Variants in SIMC1 observed in about 807,000 individuals in gnomAD.
The protein encoded by SIMC1 is SUMO interacting motifs containing 1, also known as SUMO-interacting motif-containing protein 1.
SIMC1 carries 55 observed loss-of-function variants against 82.3 expected under a neutral mutation model. The observed-to-expected ratio is 0.67, with a 90% CI of 0.54 to 0.84. The LOEUF is 0.84. SIMC1 is among the 40% of genes least tolerant of loss of function. The pLI is 0.00. For missense variants in SIMC1, 915 were observed against 1,107.2 expected (o/e 0.83, Z 2.46); for synonymous variants, 353 against 426.3 (o/e 0.83, Z 2.12).
intron 1 of SIMC1, among the ~76,000 whole-genome samples, chr5:176,239,635 TTTAC>T (rs1482813110): frequency 1.1e-4 from 1 of 8,766 alleles, no homozygotes; most frequent in East Asian, 1.8e-3. Context: ...TTCTAGCTGG[TTTAC>T]AGTCCCTAAA....
chr5:176,340,033 G>A (rs1202497356), intron 9 of SIMC1, among the ~76,000 whole-genome samples: 1 of 152,192 alleles, frequency 6.6e-6, no homozygotes, highest in Non-Finnish European at 1.5e-5. Flanking sequence ...TGCAAGAGTG[G>A]GAGAAGAAGG....
intron 1 of SIMC1, among the ~76,000 whole-genome samples, chr5:176,245,664 G>A (rs1304155860): frequency 6.6e-6 from 1 of 152,018 alleles, no homozygotes; most frequent in East Asian, 1.9e-4. Context: ...AACAGACAGC[G>A]ACTCTCTAAA....
At chr5:176,248,149 C>T (rs1379236512) in intron 1 of SIMC1, among the ~76,000 whole-genome samples, 1 of 152,088 alleles carries the variant, frequency 6.6e-6, no homozygotes, top group African/African-American at 2.4e-5. Context: ...TGAAGAAAGT[C>T]AGTGGCAGCT....
At chr5:176,305,790 G>A (rs796636238) in intron 4 of SIMC1, among the ~76,000 whole-genome samples, 83 of 45,158 alleles carry the variant, frequency 1.8e-3, no homozygotes, top group African/African-American at 2.0e-3. Context: ...CAGCCGCCCC[G>A]TCCGGGAGGG....
intron 1 of SIMC1, among the ~76,000 whole-genome samples, chr5:176,280,771 C>T (rs981536927): frequency 1.4e-4 from 21 of 152,222 alleles, no homozygotes; most frequent in Middle Eastern, 6.8e-3. Flanking sequence ...CAGTCTCTTC[C>T]GGCTTGTAGA....
At chr5:176,277,628 A>G (rs1762773783) in intron 1 of SIMC1, among the ~76,000 whole-genome samples, 1 of 152,050 alleles carries the variant, frequency 6.6e-6, no homozygotes, top group South Asian at 2.1e-4. Context: ...TTTTTGTATA[A>G]GGTGTAAGGA....
intron 1 of SIMC1, among the ~76,000 whole-genome samples, chr5:176,278,862 T>C (rs1353003198): frequency 2.0e-5 from 3 of 150,922 alleles, no homozygotes; most frequent in South Asian, 2.1e-4. Context: ...CAGTATTTTA[T>C]TGAGGATTTT....
intron 1 of SIMC1, among the ~76,000 whole-genome samples, chr5:176,265,061 T>C (rs919315536): frequency 1.3e-5 from 2 of 152,034 alleles, no homozygotes; most frequent in Non-Finnish European, 2.9e-5. Context: ...AAAAAAGAAA[T>C]GAAACTGTCC....
chr5:176,269,218 A>G (rs1417114860), intron 1 of SIMC1, among the ~76,000 whole-genome samples: 1 of 152,168 alleles, frequency 6.6e-6, no homozygotes, highest in South Asian at 2.1e-4. Context: ...AATAATAAAG[A>G]TAACAGAAAT....
At chr5:176,294,225 T>C (rs1163542466) in intron 2 of SIMC1, among the ~76,000 whole-genome samples, 2 of 152,186 alleles carry the variant, frequency 1.3e-5, no homozygotes, top group African/African-American at 4.8e-5. Flanking sequence ...TGAATTCTGA[T>C]TTTTTAACTT....
At chr5:176,305,132 CAGGAGG>C (rs1764253794) in intron 4 of SIMC1, among the ~76,000 whole-genome samples, 2 of 36,884 alleles carry the variant, frequency 5.4e-5, no homozygotes, top group African/African-American at 1.0e-4. Context: ...CCGTGCCATC[CAGGAGG>C]GGGGGGGGGT....
At chr5:176,314,876 A>G (rs2113349052) in intron 5 of SIMC1, among the ~76,000 whole-genome samples, 1 of 152,342 alleles carries the variant, frequency 6.6e-6, no homozygotes, top group South Asian at 2.1e-4. Context: ...TATAGTATTC[A>G]ATAAATTAGA....
chr5:176,319,696 C>A (rs1765073080), intron 5 of SIMC1, among the ~76,000 whole-genome samples: 1 of 152,130 alleles, frequency 6.6e-6, no homozygotes, highest in Admixed American at 6.6e-5. Context: ...TTCTTATTTT[C>A]TTCTTTCCTG....
chr5:176,240,658 C>A (rs542180426), intron 1 of SIMC1, among the ~76,000 whole-genome samples: 1 of 93,552 alleles, frequency 1.1e-5, no homozygotes, highest in African/African-American at 4.1e-5. Flanking sequence ...TGTAAAAGAT[C>A]AGAGGCATTG....
chr5:176,278,155 G>T, intron 1 of SIMC1, among the ~76,000 whole-genome samples: 1 of 54,726 alleles, frequency 1.8e-5, no homozygotes, highest in Admixed American at 1.9e-4. Context: ...TCCTTGAAGA[G>T]GTCCTTCACG....
At chr5:176,321,440 T>TAAA (rs953751441) in intron 5 of SIMC1, among the ~76,000 whole-genome samples, 4 of 137,718 alleles carry the variant, frequency 2.9e-5, no homozygotes, top group Non-Finnish European at 3.2e-5. Flanking sequence ...AGACTCTGCC[T>TAAA]AAAAAAAAAA....
At position 176,290,130 on chromosome 5, in the gene SIMC1, A is replaced by G. The variant is rs374425794; in HGVS notation, c.606A>G (p.Lys202=). 271 of 1,604,842 alleles carry G rather than the reference A, an allele frequency of 1.7e-4. No homozygotes were observed. In the Middle Eastern group the frequency reaches 4.8e-3, roughly 28 times the overall value. The change falls in exon 2 of 10, where the codon AAA becomes AAG. Residue 202 remains lysine (K), a synonymous_variant. Transcript: ENST00000429602. ...SRSSSSSSNQ[K]APLPCPQQDV... ...GCAGCAGCAGCAGCAGCAATCAAAA[A>G]GCACCCTTGCCATGCCCACAGCAAG...
At chr5:176,252,219 C>A (rs868503864) in intron 1 of SIMC1, among the ~76,000 whole-genome samples, 136 of 149,322 alleles carry the variant, frequency 9.1e-4, no homozygotes, top group African/African-American at 2.7e-3. Context: ...GGCTGACCGC[C>A]CCCCCCACCT....
At chr5:176,320,728 G>A (rs762722128) in intron 5 of SIMC1, among the ~76,000 whole-genome samples, 1 of 151,918 alleles carries the variant, frequency 6.6e-6, no homozygotes, top group African/African-American at 2.4e-5. Context: ...TGGTGCTACC[G>A]CTTGCAGAGC....
Sources: allele counts gnomAD v4.1 joint callset (sites outside exome capture counted in the v4.1 genomes callset), GRCh38; gene constraint gnomAD v4.1.1; transcripts MANE v1.5; gene names NCBI Gene and HGNC (gene_info 2026-07-23, HGNC 2026-07-21).